Variants in ATP10D observed in about 807,000 individuals in gnomAD.
ATP10D encodes phospholipid-transporting ATPase VD.
A neutral mutation model predicts 144.8 loss-of-function variants in ATP10D; 89 were observed. That is an observed-to-expected ratio of 0.61 (90% CI 0.52 to 0.73). The LOEUF (loss-of-function observed/expected upper bound fraction) is 0.73. Among genes scored for constraint, ATP10D ranks in the 30% least tolerant of loss-of-function variants. The pLI is 0.00. For missense variants in ATP10D, 1,603 were observed against 1,714.8 expected, an observed-to-expected ratio of 0.93 and a Z score of 1.15; for synonymous variants, 571 against 615.1, an observed-to-expected ratio of 0.93 and a Z score of 1.06.
intron 9 of ATP10D, among the ~76,000 whole-genome samples, chr4:47,540,956 C>A (rs1200702552): frequency 1.3e-5 from 2 of 152,138 alleles, no homozygotes; most frequent in African/African-American, 4.8e-5. Flanking sequence ...ATTTGTGAAT[C>A]TGATTTACAT....
chr4:47,561,654 T>TCCCC (rs1719309939), intron 14 of ATP10D, among the ~76,000 whole-genome samples: 1 of 152,136 alleles, frequency 6.6e-6, no homozygotes, highest in African/African-American at 2.4e-5. Context: ...TCAACTAAAA[T>TCCCC]TGCACAACTG....
chr4:47,551,142 A>T (rs983845132), intron 10 of ATP10D, among the ~76,000 whole-genome samples: 5 of 152,178 alleles, frequency 3.3e-5, no homozygotes, highest in Non-Finnish European at 7.3e-5. Flanking sequence ...GTCGGGTGTG[A>T]GCAAAGTTGC....
intron 9 of ATP10D, among the ~76,000 whole-genome samples, chr4:47,543,554 C>T (rs187791029): frequency 6.6e-6 from 1 of 152,282 alleles, no homozygotes; most frequent in African/African-American, 2.4e-5. Flanking sequence ...ATTGCCAAAC[C>T]CCCAGGGGAC....
chr4:47,566,642 A>G (rs1719652876), intron 15 of ATP10D, among the ~76,000 whole-genome samples: 1 of 152,162 alleles, frequency 6.6e-6, no homozygotes, highest in Non-Finnish European at 1.5e-5. Context: ...TACATATTAC[A>G]TATATACAGT....
intron 9 of ATP10D, among the ~76,000 whole-genome samples, chr4:47,541,830 G>A (rs78252133): frequency 6.6e-6 from 1 of 152,052 alleles, no homozygotes; most frequent in Non-Finnish European, 1.5e-5. Context: ...AAGACAGATC[G>A]GGGATTAAAT....
intron 1 of ATP10D, among the ~76,000 whole-genome samples, chr4:47,488,612 CAAAA>C (rs56859197): frequency 0.043 from 3,903 of 91,386 alleles, 108 homozygotes; most frequent in African/African-American, 0.12. Flanking sequence ...ATATAATAAG[CAAAA>C]AAAAAAAAAA....
intron 21 of ATP10D, among the ~76,000 whole-genome samples, chr4:47,584,771 A>G (rs1010954587): frequency 5.9e-5 from 9 of 152,206 alleles, no homozygotes; most frequent in African/African-American, 2.2e-4. Context: ...AAAGAAAAAA[A>G]AGGAATTATT....
chr4:47,558,960 G>A lies in ATP10D; in HGVS notation c.2472G>A (p.Arg824=). The change falls in exon 13 of 23, where the codon AGG becomes AGA. Residue 824 remains arginine (R), a synonymous_variant. Transcript: ENST00000273859. The stretch of plus-strand genomic sequence containing the variant: ...TGGAGAAACAACAGATGATAGTAAG[G>A]GAGAAAACCCAGAAGCACTTGGATG... ...ASLEKQQMIV[R]EKTQKHLDDY... 6.2e-7 allele frequency: 1 copy of A among 1,614,088 alleles called. No homozygotes were observed. Among genetic ancestry groups the A allele is most frequent in the Non-Finnish European group, 8.5e-7 (1 of 1,180,006 alleles).
chr4:47,580,625 A>C, intron 20 of ATP10D, 147 bp downstream of exon 20: 1 of 723,468 alleles, frequency 1.4e-6, no homozygotes. Flanking sequence ...CTCCCCAAAA[A>C]TATATGTTAG....
At chr4:47,500,556 A>T (rs1715629505) in intron 1 of ATP10D, among the ~76,000 whole-genome samples, 1 of 152,240 alleles carries the variant, frequency 6.6e-6, no homozygotes, top group Non-Finnish European at 1.5e-5. Flanking sequence ...TAAGTGAAAG[A>T]AACCAAGGAT....
rs569658077 is a variant in ATP10D at position 47,525,779 on chromosome 4, A to G, written c.776+137A>G. 4.6e-6 allele frequency: 3 copies of G among 652,858 alleles called. No homozygotes were observed. In the East Asian group the frequency reaches 8.4e-5, roughly 18 times the overall value. 40.4% of individuals were successfully genotyped at this position (652,858 alleles called of 1,614,324 possible). ...CGTAACTTTAGCCACCTACTAAAAT[A>G]GTTTGGCTTATTTTAATTATTTAAT... is the stretch of plus-strand genomic sequence containing the variant. On this transcript the variant is annotated intron_variant, in intron 5 of 22. Coordinates refer to ENST00000273859, the MANE Select transcript of ATP10D (RefSeq NM_020453.4).
At chr4:47,577,432 A>G (rs1426655303) in intron 19 of ATP10D, among the ~76,000 whole-genome samples, 1 of 152,158 alleles carries the variant, frequency 6.6e-6, no homozygotes, top group Non-Finnish European at 1.5e-5. Context: ...GGTTATGTTT[A>G]CTCTGAGTTT....
Position 47,557,695 on chromosome 4 carries a change from T to G in ATP10D, c.1856T>G (p.Ile619Ser). The part of the protein sequence containing the change: ...IRHPSLGGLP[I>S]KSLEEIKSLF... ...CACCCTTCACTGGGGGGGTTGCCCA[T>G]TAAGTCTTTGGAAGAGATTAAAAGT... Residue 619 changes from isoleucine (I) to serine (S), a missense_variant, in exon 12 of 23, where the codon ATT (isoleucine) becomes AGT (serine). Coordinates refer to ENST00000273859, the MANE Select transcript of ATP10D (RefSeq NM_020453.4). 1 of 1,612,866 alleles carries G rather than the reference T, an allele frequency of 6.2e-7. No individual in the cohort carries two copies. The highest frequency in any genetic ancestry group is 1.1e-5 in the South Asian group (1 of 91,076).
chr4:47,500,045 T>G (rs1461966547), intron 1 of ATP10D, among the ~76,000 whole-genome samples: 1 of 152,208 alleles, frequency 6.6e-6, no homozygotes, highest in African/African-American at 2.4e-5. Flanking sequence ...TGTATAAGAT[T>G]GTTAAAGATA....
At chr4:47,507,774 C>T (rs1178217471) in intron 1 of ATP10D, among the ~76,000 whole-genome samples, 1 of 152,204 alleles carries the variant, frequency 6.6e-6, no homozygotes, top group Non-Finnish European at 1.5e-5. Context: ...GAGCCATGCT[C>T]AGGGTTCTAA....
At chr4:47,500,867 G>A (rs996862218) in intron 1 of ATP10D, among the ~76,000 whole-genome samples, 2 of 152,212 alleles carry the variant, frequency 1.3e-5, no homozygotes, top group Admixed American at 6.5e-5. Flanking sequence ...AAAGGAAAGG[G>A]TATGAAACAG....
chr4:47,527,652 G>A (rs10050272), intron 5 of ATP10D, among the ~76,000 whole-genome samples: 85 of 152,222 alleles, frequency 5.6e-4, no homozygotes, highest in African/African-American at 1.9e-3. Flanking sequence ...TGATGTATTT[G>A]ACATATGAAT....
chr4:47,490,850 C>G (rs1715031420), intron 1 of ATP10D: 1 of 363,344 alleles, frequency 2.8e-6, no homozygotes, highest in Non-Finnish European at 5.1e-6. Context: ...TCTTGTGAAG[C>G]ACATTATTCA....
chr4:47,592,546 A>C lies in ATP10D; in HGVS notation c.*1165A>C, dbSNP rs1294913008. Reference sequence around the variant, plus strand: ...TAAGGCCAGGTGCTACTATAAAATCATATATTCCTGTTGAAGTTCTTTTGA... The same window carrying C: ...TAAGGCCAGGTGCTACTATAAAATCCTATATTCCTGTTGAAGTTCTTTTGA... On this transcript the variant is annotated 3_prime_UTR_variant, in exon 23 of 23. Transcript: ENST00000273859. The C allele has an allele frequency of 6.6e-6, 1 of 152,572 alleles. No individual in the cohort carries two copies. The highest frequency in any genetic ancestry group is 1.5e-5 in the Non-Finnish European group (1 of 68,004). The allele number at this position is 152,572 out of a possible 1,614,324, so 9.5% of individuals were successfully genotyped here.
Sources: allele counts gnomAD v4.1 joint callset (sites outside exome capture counted in the v4.1 genomes callset), GRCh38; gene constraint gnomAD v4.1.1; transcripts MANE v1.5; gene names NCBI Gene and HGNC (gene_info 2026-07-23, HGNC 2026-07-21).